The following PLCG2 variants were observed in gnomAD, a reference collection of about 807,000 sequenced individuals.
PLCG2 encodes the protein 1-phosphatidylinositol 4,5-bisphosphate phosphodiesterase gamma-2.
In PLCG2, 69 loss-of-function variants were observed where a neutral mutation model predicts 175.6. That is an observed-to-expected ratio of 0.39 (90% CI 0.32 to 0.48). The LOEUF (loss-of-function observed/expected upper bound fraction) is 0.48. Among genes scored for constraint, PLCG2 ranks in the 20% least tolerant of loss-of-function variants. PLCG2 has a pLI of 0.91. For synonymous variants in PLCG2, 827 were observed against 624.0 expected (o/e 1.33, Z -4.85); for missense variants, 1,798 against 1,650.9 (o/e 1.09, Z -1.54).
chr16:81,742,945 C>T (rs557992560), intron 1 of PLCG2, among the ~76,000 whole-genome samples: 1 of 152,322 alleles, frequency 6.6e-6, no homozygotes, highest in East Asian at 1.9e-4. Context: ...CTTAGTGTCC[C>T]ATTTCATCTT....
In PLCG2 at chr16:81,808,652, C is replaced by T. The variant is rs187319260; in HGVS notation, c.193+22470C>T. Among the ~76,000 whole-genome samples, 467 of 152,232 alleles carry T rather than the reference C, an allele frequency of 3.1e-3. 2 individuals are homozygous for T. The highest frequency in any genetic ancestry group is 5.6e-3 in the Non-Finnish European group (380 of 68,004). ...GGGACTACAGGTGCCCGCCACCACG[C>T]CTGGCTAATTTTTTCTATTTTTAGT... On this transcript the variant is annotated intron_variant, in intron 2 of 32. Coordinates refer to ENST00000564138, the MANE Select transcript of PLCG2 (RefSeq NM_002661.5).
chr16:81,925,300 T>A (rs912182858), intron 22 of PLCG2, among the ~76,000 whole-genome samples: 2 of 152,110 alleles, frequency 1.3e-5, no homozygotes, highest in Non-Finnish European at 2.9e-5. Flanking sequence ...CCAAACTGGT[T>A]CCCTGTAGCT....
chr16:81,861,491 C>T (rs1196929625), intron 5 of PLCG2, among the ~76,000 whole-genome samples: 1 of 152,222 alleles, frequency 6.6e-6, no homozygotes, highest in Non-Finnish European at 1.5e-5. Flanking sequence ...CATTAGCTCA[C>T]TCCATGTTTT....
At chr16:81,867,707 TTA>T (rs1453446435) in intron 5 of PLCG2, among the ~76,000 whole-genome samples, 5 of 151,870 alleles carry the variant, frequency 3.3e-5, no homozygotes, top group Non-Finnish European at 4.4e-5. Context: ...CTTTTCTTTT[TTA>T]TTTTTGGAGA....
intron 21 of PLCG2, chr16:81,921,598 A>G (rs536855624): frequency 2.4e-5 from 9 of 373,382 alleles, no homozygotes; most frequent in Admixed American, 7.6e-5. Context: ...TATAAATTCC[A>G]TTTGGTTCAC....
chr16:81,794,036 C>T (rs1266237887), intron 2 of PLCG2, among the ~76,000 whole-genome samples: 1 of 152,172 alleles, frequency 6.6e-6, no homozygotes, highest in African/African-American at 2.4e-5. Flanking sequence ...TTCTTTGTGA[C>T]AGCAGGACAG....
intron 32 of PLCG2, 136 bp downstream of exon 32, chr16:81,957,015 C>A: frequency 3.7e-6 from 2 of 539,474 alleles, no homozygotes; most frequent in South Asian, 5.1e-5. Flanking sequence ...TGGTGGCTCA[C>A]AGGCCAGGCA....
chr16:81,749,422 G>A lies in PLCG2; in HGVS notation c.-144-6448G>A, dbSNP rs563336326. Reference sequence around the variant, plus strand: ...GGCCGGAGTGCAGTGGTGTGATCTTGGCTCCTGGCAACCTCTGCCTCCTGG... The same window carrying A: ...GGCCGGAGTGCAGTGGTGTGATCTTAGCTCCTGGCAACCTCTGCCTCCTGG... On this transcript the variant is annotated intron_variant, in intron 1 of 5. Coordinates refer to the PLCG2 transcript ENST00000565054. Among the ~76,000 whole-genome samples, 14 of 152,134 alleles carry A rather than the reference G, an allele frequency of 9.2e-5. 1 individual carries two copies. The highest frequency in any genetic ancestry group is 9.2e-4 in the Admixed American group (14 of 15,266).
At chr16:81,837,098 T>G (rs6564925) in intron 2 of PLCG2, among the ~76,000 whole-genome samples, 1 of 152,172 alleles carries the variant, frequency 6.6e-6, no homozygotes, top group Non-Finnish European at 1.5e-5. Flanking sequence ...TGTCTGTATT[T>G]TGAGAACCTT....
rs932860324 is a variant in PLCG2 at position 81,788,899 on chromosome 16, C to A, written c.193+2717C>A. Among the ~76,000 whole-genome samples the A allele has an allele frequency of 2.0e-5, 3 of 152,186 alleles. No individual in the cohort carries two copies. In the East Asian group the frequency reaches 5.8e-4, roughly 29 times the overall value. Reference sequence around the variant, plus strand: ...CTGGGGTGGCCACCCTCCCTTCCCCCACAAGGGGTGAGAGGGTTGGCACTG... The same window carrying A: ...CTGGGGTGGCCACCCTCCCTTCCCCAACAAGGGGTGAGAGGGTTGGCACTG... On this transcript the variant is annotated intron_variant, in intron 2 of 32. Coordinates refer to ENST00000564138, the MANE Select transcript of PLCG2 (RefSeq NM_002661.5).
intron 7 of PLCG2, among the ~76,000 whole-genome samples, chr16:81,874,922 A>G (rs1029173716): frequency 5.6e-5 from 8 of 144,000 alleles, no homozygotes; most frequent in African/African-American, 1.8e-4. Context: ...TCTCAGGTGG[A>G]CTATTTGCTA....
rs911445518 is a variant in PLCG2 at position 81,922,935 on chromosome 16, G to C, written c.2308-550G>C. On this transcript the variant is annotated intron_variant, in intron 21 of 32. Coordinates refer to ENST00000564138, the MANE Select transcript of PLCG2 (RefSeq NM_002661.5). ...ATGAATTTCATGGAGGAGAAGCTCA[G>C]TTACTCTTGCAAAATGTCAGGGTCC... 2.0e-4 allele frequency among the ~76,000 whole-genome samples: 31 copies of C among 152,186 alleles called. 1 individual carries two copies. The highest frequency in any genetic ancestry group is 1.9e-3 in the Admixed American group (29 of 15,284).
chr16:81,895,183 A>G (rs1242131586), intron 12 of PLCG2, among the ~76,000 whole-genome samples: 1 of 152,232 alleles, frequency 6.6e-6, no homozygotes, highest in Non-Finnish European at 1.5e-5. Flanking sequence ...ATTGCTCTGT[A>G]TCATTTCCAC....
chr16:81,801,303 T>A (rs1413670805), intron 2 of PLCG2, among the ~76,000 whole-genome samples: 2 of 152,216 alleles, frequency 1.3e-5, no homozygotes, highest in African/African-American at 4.8e-5. Context: ...ATCAGTATCA[T>A]GATTTAATAA....
intron 24 of PLCG2, among the ~76,000 whole-genome samples, chr16:81,930,401 C>T (rs1331480530): frequency 6.6e-6 from 1 of 152,192 alleles, no homozygotes; most frequent in Non-Finnish European, 1.5e-5. Context: ...CTGCATTCTT[C>T]AGTCTCCACA....
At position 81,912,361 on chromosome 16, in the gene PLCG2, C is replaced by T. The variant is rs35800368; in HGVS notation, c.1935-236C>T. ...GATTTCAGGTGTGAACCACTGTGCT[C>T]GGCCCAATGTATTATTTTGGGCTTG... On this transcript the variant is annotated intron_variant, in intron 18 of 32. Transcript: ENST00000564138. 0.24 allele frequency among the ~76,000 whole-genome samples: 37,060 copies of T among 152,204 alleles called. 4,483 individuals are homozygous for T. The highest frequency in any genetic ancestry group is 0.29 in the South Asian group (1,401 of 4,824).
chr16:81,780,888 G>T (rs543693805), intron 1 of PLCG2, among the ~76,000 whole-genome samples: 1 of 152,104 alleles, frequency 6.6e-6, no homozygotes, highest in African/African-American at 2.4e-5. Context: ...TTACCTGGGC[G>T]TGGTGGTGGC....
In PLCG2 at chr16:81,900,633, C is replaced by A. The variant is rs746020068; in HGVS notation, c.1215C>A (p.Ile405=). The change falls in exon 14 of 33, where the codon ATC becomes ATA. Residue 405 remains isoleucine, a synonymous_variant. Coordinates refer to ENST00000564138, the MANE Select transcript of PLCG2 (RefSeq NM_002661.5). ...VTSSFPVILS[I]EEHCSVEQQR... ...GCAGCTTCCCAGTGATCCTGTCCAT[C>A]GAGGAGCACTGCAGCGTGGAGCAAC... 3.3e-5 allele frequency: 52 copies of A among 1,599,698 alleles called. No individual in the cohort carries two copies. Among genetic ancestry groups the A allele is most frequent in the Middle Eastern group, 1.7e-4 (1 of 5,970 alleles).
intron 30 of PLCG2, among the ~76,000 whole-genome samples, chr16:81,940,997 T>C (rs547999334): frequency 2.0e-5 from 3 of 152,326 alleles, no homozygotes; most frequent in African/African-American, 7.2e-5. Context: ...CACTGTTCCC[T>C]TGTTTTCTGA....
Sources: gnomAD v4.1 joint callset for allele counts (sites outside exome capture counted in the v4.1 genomes callset) on GRCh38, gnomAD v4.1.1 for gene constraint, MANE v1.5 for transcripts, NCBI Gene and HGNC (gene_info 2026-07-23, HGNC 2026-07-21) for gene names.